The following ELP4 variants were observed in gnomAD, a reference collection of about 807,000 sequenced individuals.
ELP4 encodes the protein elongator complex protein 4.
ELP4 carries 51 observed loss-of-function variants against 48.9 expected under a neutral mutation model. The ratio of observed to expected loss-of-function variants is 1.04; its 90% CI spans 0.83 to 1.32. The LOEUF is 1.32. Among genes scored for constraint, ELP4 ranks in the 40% most tolerant of loss-of-function variants. The probability of loss-of-function intolerance (pLI) is 0.00; values close to 1 mark genes in which losing one functional copy is unlikely to be tolerated. For synonymous variants in ELP4, 210 were observed against 189.2 expected, an observed-to-expected ratio of 1.11 and a Z score of -0.90; for missense variants, 519 against 514.6, an observed-to-expected ratio of 1.01 and a Z score of -0.08.
intron 5 of ELP4, among the ~76,000 whole-genome samples, chr11:31,607,724 A>G (rs1256631492): frequency 6.6e-6 from 1 of 152,186 alleles, no homozygotes; most frequent in Admixed American, 6.5e-5. Context: ...GTTTATTTTG[A>G]TATGTTTCTC....
intron 9 of ELP4, among the ~76,000 whole-genome samples, chr11:31,683,380 G>A (rs575018464): frequency 1.6e-4 from 25 of 152,240 alleles, no homozygotes; most frequent in Middle Eastern, 6.8e-3. Context: ...TTCAAAGTAT[G>A]AGGTTTCCAT....
At chr11:31,629,120 T>TA (rs1314446643) in intron 6 of ELP4, among the ~76,000 whole-genome samples, 5 of 151,996 alleles carry the variant, frequency 3.3e-5, no homozygotes, top group Non-Finnish European at 7.4e-5. Flanking sequence ...TAAAAATAAT[T>TA]AGAGTGCAGA....
At chr11:31,710,640 G>A (rs1334703246) in intron 9 of ELP4, among the ~76,000 whole-genome samples, 3 of 148,684 alleles carry the variant, frequency 2.0e-5, no homozygotes, top group South Asian at 2.1e-4. Flanking sequence ...AAAAAAAAAA[G>A]ATATGAAATA....
chr11:31,598,190 G>A (rs376085167), intron 4 of ELP4, among the ~76,000 whole-genome samples: 2 of 151,870 alleles, frequency 1.3e-5, no homozygotes, highest in East Asian at 2.0e-4. Context: ...TCCTGACCTC[G>A]TGATCCGCCG....
At chr11:31,654,664 G>C (rs1357070071) in intron 9 of ELP4, 1 of 151,796 alleles carries the variant, frequency 6.6e-6, no homozygotes, top group Non-Finnish European at 1.5e-5. Flanking sequence ...ACCAATTACA[G>C]GACAGGGGTG....
intron 9 of ELP4, among the ~76,000 whole-genome samples, chr11:31,665,654 C>A (rs1592204407): frequency 1.5e-5 from 2 of 129,820 alleles, no homozygotes; most frequent in South Asian, 2.5e-4. Context: ...CGTCTCTCTT[C>A]CTTTTTTTTT....
intron 3 of ELP4, among the ~76,000 whole-genome samples, chr11:31,581,265 A>G (rs1470139230): frequency 6.6e-6 from 1 of 152,118 alleles, no homozygotes; most frequent in Non-Finnish European, 1.5e-5. Flanking sequence ...GCTTCTGTGT[A>G]AGATGTCTTG....
At chr11:31,512,035 A>C (rs891651668) in intron 1 of ELP4, 2 of 152,232 alleles carry the variant, frequency 1.3e-5, no homozygotes, top group Non-Finnish European at 2.9e-5. Context: ...TTGAAAAATA[A>C]ATATGTCCAG....
chr11:31,520,193 C>G, intron 2 of ELP4, 102 bp downstream of exon 2: 1 of 953,272 alleles, frequency 1.0e-6, no homozygotes, highest in Non-Finnish European at 1.6e-6. Flanking sequence ...ATCACTAACA[C>G]GACAGAAGTT....
At chr11:31,644,795 A>T (rs902035905) in intron 7 of ELP4, among the ~76,000 whole-genome samples, 4 of 151,728 alleles carry the variant, frequency 2.6e-5, no homozygotes, top group African/African-American at 4.8e-5. Context: ...ATCTATAACA[A>T]TTTTTTTAAC....
chr11:31,638,804 G>A (rs146479217), intron 7 of ELP4, among the ~76,000 whole-genome samples: 1 of 151,864 alleles, frequency 6.6e-6, no homozygotes, highest in African/African-American at 2.4e-5. Context: ...GCAATGGACC[G>A]CTTTAGAACT....
Position 31,783,512 on chromosome 11 carries a change from C to T in ELP4, c.1263C>T (p.His421=), listed in dbSNP as rs1948427269. 1.2e-6 allele frequency: 2 copies of T among 1,613,972 alleles called. No homozygotes were observed. The highest frequency in any genetic ancestry group is 1.7e-6 in the Non-Finnish European group (2 of 1,179,898). ...GCGMMAGGKK[H]LDF ...GCATGATGGCCGGAGGCAAGAAGCA[C>T]CTGGACTTCTAGGGATTCCTCCTTA... Residue 421 remains histidine, a synonymous_variant, in exon 10 of 10, where the codon CAC becomes CAT. Transcript: ENST00000640961.
chr11:31,573,186 C>G (rs1020578080), intron 3 of ELP4, among the ~76,000 whole-genome samples: 1 of 152,182 alleles, frequency 6.6e-6, no homozygotes, highest in Non-Finnish European at 1.5e-5. Flanking sequence ...TAGAATATTT[C>G]CATCCCTTGA....
chr11:31,757,468 A>G (rs576405265), intron 9 of ELP4, among the ~76,000 whole-genome samples: 30 of 152,154 alleles, frequency 2.0e-4, no homozygotes, highest in Non-Finnish European at 3.8e-4. Context: ...GCTGACAAAT[A>G]AGCACACTGT....
At chr11:31,775,870 CAGG>C (rs1948234911) in intron 9 of ELP4, among the ~76,000 whole-genome samples, 1 of 152,096 alleles carries the variant, frequency 6.6e-6, no homozygotes, top group Non-Finnish European at 1.5e-5. Flanking sequence ...GAGACTGAGG[CAGG>C]AGAATTGCTT....
intron 1 of ELP4, among the ~76,000 whole-genome samples, chr11:31,519,748 C>A (rs1445549454): frequency 6.6e-6 from 1 of 151,820 alleles, no homozygotes; most frequent in Non-Finnish European, 1.5e-5. Context: ...TTGCTTGAAC[C>A]CAGGATGGGG....
chr11:31,637,460 T>C (rs1455804111), intron 7 of ELP4: 1 of 151,986 alleles, frequency 6.6e-6, no homozygotes, highest in Non-Finnish European at 1.5e-5. Flanking sequence ...ATTATAATTA[T>C]AAGAATATTA....
At chr11:31,560,986 C>CATCT (rs1957016165) in intron 3 of ELP4, among the ~76,000 whole-genome samples, 1 of 152,024 alleles carries the variant, frequency 6.6e-6, no homozygotes, top group Admixed American at 6.6e-5. Context: ...TAGGCTCTAC[C>CATCT]ATCTACCACC....
intron 5 of ELP4, among the ~76,000 whole-genome samples, chr11:31,614,873 T>A (rs539703015): frequency 3.2e-4 from 49 of 152,328 alleles, no homozygotes; most frequent in Middle Eastern, 6.8e-3. Flanking sequence ...AACTTCCATA[T>A]TGAAGGAGAC....
Sources: allele counts gnomAD v4.1 joint callset (sites outside exome capture counted in the v4.1 genomes callset), GRCh38; gene constraint gnomAD v4.1.1; transcripts MANE v1.5; gene names NCBI Gene and HGNC (gene_info 2026-07-23, HGNC 2026-07-21).